The following WWOX variants were observed in gnomAD, a reference collection of about 807,000 sequenced individuals.
WWOX encodes WW domain containing oxidoreductase, also known as WW domain-containing oxidoreductase.
In WWOX, 69 loss-of-function variants were observed where a neutral mutation model predicts 46.2. The ratio of observed to expected loss-of-function variants is 1.49; its 90% CI spans 1.23 to 1.82. The LOEUF (loss-of-function observed/expected upper bound fraction) is 1.82, where lower values mean the gene tolerates loss of function less well. WWOX is among the 40% of genes most tolerant of loss of function. The pLI, the probability that WWOX is intolerant of heterozygous loss-of-function variation, is 0.00. For missense variants in WWOX, 919 were observed against 542.6 expected, an observed-to-expected ratio of 1.69 and a Z score of -6.89; for synonymous variants, 359 against 202.6, an observed-to-expected ratio of 1.77 and a Z score of -6.56.
chr16:78,655,316 G>A (rs879585292), intron 8 of WWOX, among the ~76,000 whole-genome samples: 2 of 152,154 alleles, frequency 1.3e-5, no homozygotes, highest in East Asian at 1.9e-4. Flanking sequence ...AAATGCTACC[G>A]AGCAGTGCCT....
At chr16:78,407,798 C>T (rs1224949081) in intron 6 of WWOX, among the ~76,000 whole-genome samples, 7 of 152,194 alleles carry the variant, frequency 4.6e-5, no homozygotes, top group African/African-American at 4.8e-5. Context: ...CGTATCCATC[C>T]AGATACCTAA....
chr16:78,877,884 A>T (rs1013174321), intron 8 of WWOX, among the ~76,000 whole-genome samples: 1 of 152,226 alleles, frequency 6.6e-6, no homozygotes, highest in Non-Finnish European at 1.5e-5. Context: ...CAGCCCAAAA[A>T]GCTAAATGAC....
intron 8 of WWOX, among the ~76,000 whole-genome samples, chr16:78,441,306 G>C (rs539494249): frequency 6.6e-6 from 1 of 152,152 alleles, no homozygotes; most frequent in African/African-American, 2.4e-5. Flanking sequence ...GGTCCATACC[G>C]TAAATGTTCT....
chr16:78,699,326 G>A (rs986348332), intron 8 of WWOX, among the ~76,000 whole-genome samples: 1 of 151,058 alleles, frequency 6.6e-6, no homozygotes, highest in Admixed American at 6.6e-5. Flanking sequence ...TTGAGCTGAG[G>A]AGTTTGAGAC....
In WWOX at chr16:79,212,154, GCTACCACCA is replaced by G. The variant is rs1251387124; in HGVS notation, c.*360_*368del. ...GCCTGAGGTCCCCTCGTCCCATCCA[GCTACCACCA>G]CGGCCACCACTGCAGCCGGGGGCTG... On this transcript the variant is annotated 3_prime_UTR_variant, in exon 9 of 9. Transcript: ENST00000566780. 1.3e-6 allele frequency: 2 copies of G among 1,506,286 alleles called. No homozygotes were observed. Among genetic ancestry groups the G allele is most frequent in the Admixed American group, 4.3e-5 (2 of 46,950 alleles). The allele number at this position is 1,506,286 out of a possible 1,614,324, so 93.3% of individuals were successfully genotyped here.
chr16:78,836,721 A>T (rs1457639076), intron 8 of WWOX, among the ~76,000 whole-genome samples: 3 of 152,188 alleles, frequency 2.0e-5, no homozygotes, highest in Non-Finnish European at 4.4e-5. Flanking sequence ...TATCAGGCAG[A>T]TGGTAAGTGG....
intron 8 of WWOX, among the ~76,000 whole-genome samples, chr16:78,971,102 A>C (rs913225531): frequency 1.4e-4 from 21 of 152,058 alleles, no homozygotes; most frequent in African/African-American, 4.8e-4. Context: ...TATATATATC[A>C]GGTAAGATTC....
intron 8 of WWOX, among the ~76,000 whole-genome samples, chr16:79,006,914 C>T (rs895428502): frequency 1.3e-5 from 2 of 152,182 alleles, no homozygotes; most frequent in Non-Finnish European, 2.9e-5. Flanking sequence ...CTGGATGACC[C>T]AGAATCATCT....
chr16:78,875,090 C>G (rs1040966621), intron 8 of WWOX, among the ~76,000 whole-genome samples: 2 of 152,136 alleles, frequency 1.3e-5, no homozygotes, highest in Non-Finnish European at 2.9e-5. Flanking sequence ...TCTTCCTGCC[C>G]AGCAGACTCG....
At chr16:78,421,992 T>C (rs998374829) in intron 6 of WWOX, among the ~76,000 whole-genome samples, 1 of 152,170 alleles carries the variant, frequency 6.6e-6, no homozygotes, top group Admixed American at 6.5e-5. Context: ...ATAATACAAA[T>C]ATAATAGTAT....
chr16:78,216,313 A>G (rs1257020936), intron 5 of WWOX, among the ~76,000 whole-genome samples: 1 of 152,242 alleles, frequency 6.6e-6, no homozygotes, highest in Non-Finnish European at 1.5e-5. Flanking sequence ...CTTGCAGGTT[A>G]GAAAACCAGT....
At position 78,632,538 on chromosome 16, in the gene WWOX, T is replaced by G. The variant is rs576879201; in HGVS notation, c.1056+199786T>G. 3.0e-3 allele frequency among the ~76,000 whole-genome samples: 438 copies of G among 145,078 alleles called. 4 individuals carry two copies. The highest frequency in any genetic ancestry group is 0.011 in the African/African-American group (419 of 39,520). ...CCTCCTCATACCACAGACACTCTCT[T>G]CCCCCACTTACTTGGCCAATTTTTT... is the stretch of plus-strand genomic sequence containing the variant. On this transcript the variant is annotated intron_variant, in intron 8 of 8. Transcript: ENST00000566780.
intron 5 of WWOX, among the ~76,000 whole-genome samples, chr16:78,365,497 G>A (rs1445099494): frequency 1.3e-5 from 2 of 152,144 alleles, no homozygotes; most frequent in African/African-American, 2.4e-5. Flanking sequence ...CAATGAACAT[G>A]ACTTCAATAA....
intron 8 of WWOX, among the ~76,000 whole-genome samples, chr16:79,084,755 G>C (rs552162599): frequency 1.3e-5 from 2 of 151,632 alleles, no homozygotes; most frequent in East Asian, 3.9e-4. Flanking sequence ...TCCTCACAGT[G>C]ACTCCTTGTT....
intron 8 of WWOX, among the ~76,000 whole-genome samples, chr16:78,768,459 G>A (rs1052086067): frequency 5.3e-5 from 8 of 151,748 alleles, no homozygotes; most frequent in Admixed American, 1.3e-4. Context: ...GTGTGGTGGC[G>A]CACGCCTGTA....
At chr16:78,863,207 C>G (rs775688932) in intron 8 of WWOX, among the ~76,000 whole-genome samples, 1 of 152,170 alleles carries the variant, frequency 6.6e-6, no homozygotes, top group African/African-American at 2.4e-5. Flanking sequence ...ATCCACCCGC[C>G]TTGGCCTCCC....
At chr16:79,046,744 A>G (rs993032130) in intron 8 of WWOX, among the ~76,000 whole-genome samples, 10 of 152,152 alleles carry the variant, frequency 6.6e-5, no homozygotes, top group African/African-American at 2.2e-4. Flanking sequence ...TCTTTCTCTC[A>G]AAAAGAAATC....
At chr16:78,700,701 C>T (rs1012412359) in intron 8 of WWOX, among the ~76,000 whole-genome samples, 7 of 152,158 alleles carry the variant, frequency 4.6e-5, no homozygotes, top group Admixed American at 3.9e-4. Context: ...TGCAGTGAGC[C>T]TGTGGCCACC....
chr16:78,719,227 A>C lies in WWOX; in HGVS notation c.1056+286475A>C, dbSNP rs60819397. Reference sequence around the variant, plus strand: ...AACAGTCAGTGCAGGTAATGTGTTTAGCACACAGCCTGGCATACGAACTTC... The same window carrying C: ...AACAGTCAGTGCAGGTAATGTGTTTCGCACACAGCCTGGCATACGAACTTC... On this transcript the variant is annotated intron_variant, in intron 8 of 8. Coordinates refer to ENST00000566780, the MANE Select transcript of WWOX (RefSeq NM_016373.4). 9.5e-3 allele frequency among the ~76,000 whole-genome samples: 1,449 copies of C among 152,300 alleles called. 34 individuals carry two copies. The highest frequency in any genetic ancestry group is 0.033 in the African/African-American group (1,357 of 41,556).
Sources: gnomAD v4.1 joint callset for allele counts (sites outside exome capture counted in the v4.1 genomes callset) on GRCh38, gnomAD v4.1.1 for gene constraint, MANE v1.5 for transcripts, NCBI Gene and HGNC (gene_info 2026-07-23, HGNC 2026-07-21) for gene names.